Variants in UNC13C observed in about 807,000 individuals in gnomAD.
UNC13C encodes unc-13 homolog C.
UNC13C carries 174 observed loss-of-function variants against 245.4 expected under a neutral mutation model. That is an observed-to-expected ratio of 0.71 (90% CI 0.63 to 0.80). The LOEUF (loss-of-function observed/expected upper bound fraction) is 0.80, where lower values mean the gene tolerates loss of function less well. UNC13C is among the 30% of genes least tolerant of loss of function. The pLI is 0.00. For synonymous variants in UNC13C, 992 were observed against 895.1 expected (o/e 1.11, Z -1.93); for missense variants, 2,829 against 2,602.9 (o/e 1.09, Z -1.89).
intron 9 of UNC13C, among the ~76,000 whole-genome samples, chr15:54,265,126 A>G (rs1389567460): frequency 1.3e-5 from 2 of 151,998 alleles, no homozygotes; most frequent in Admixed American, 1.3e-4. Context: ...ATGCATGTGT[A>G]TGTATATAGC....
intron 10 of UNC13C, among the ~76,000 whole-genome samples, chr15:54,281,211 T>C (rs1567157470): frequency 6.6e-6 from 1 of 152,178 alleles, no homozygotes; most frequent in East Asian, 1.9e-4. Flanking sequence ...TTTCCAAAAC[T>C]TTTATATCCA....
At chr15:54,626,730 G>C (rs1406456327) in intron 32 of UNC13C, 98 bp from the exon 33 acceptor site, 1 of 1,082,306 alleles carries the variant, frequency 9.2e-7, no homozygotes, top group Non-Finnish European at 1.3e-6. Context: ...ATAATAATCA[G>C]ATCCAATGTA....
chr15:54,247,953 T>C (rs1410777674), intron 7 of UNC13C, among the ~76,000 whole-genome samples: 2 of 152,128 alleles, frequency 1.3e-5, no homozygotes, highest in Non-Finnish European at 2.9e-5. Context: ...ACTCCTACTA[T>C]AATCTATGGA....
the UNC13C span, among the ~76,000 whole-genome samples, chr15:53,895,544 A>G: frequency 6.6e-6 from 1 of 152,244 alleles, no homozygotes; most frequent in Middle Eastern, 3.4e-3. Flanking sequence ...AATAAACATA[A>G]TTAAAAGATA....
At chr15:54,372,627 T>C (rs2039514017) in intron 17 of UNC13C, among the ~76,000 whole-genome samples, 1 of 152,244 alleles carries the variant, frequency 6.6e-6, no homozygotes, top group Admixed American at 6.5e-5. Flanking sequence ...ATACTAAATA[T>C]GTTTTTCCAT....
intron 26 of UNC13C, among the ~76,000 whole-genome samples, 189 bp from the exon 27 acceptor site, chr15:54,546,533 T>A (rs1210918006): frequency 6.6e-6 from 1 of 152,166 alleles, no homozygotes; most frequent in African/African-American, 2.4e-5. Flanking sequence ...AAAAGAAGTA[T>A]GCTGATTTCA....
In UNC13C at chr15:54,010,643, CA is replaced by C. The variant is rs149767734; in HGVS notation, c.-256-2003del. ...AAATAAGGCTGCTAAAATAACGTTT[CA>C]AGAAGGAGGACATATATTTTTAATT... On this transcript the variant is annotated intron_variant, in intron 1 of 32. Transcript: ENST00000260323. 2.4e-3 allele frequency among the ~76,000 whole-genome samples: 370 copies of C among 152,216 alleles called. 2 individuals carry two copies. Among genetic ancestry groups the C allele is most frequent in the African/African-American group, 8.5e-3 (352 of 41,534 alleles).
At chr15:54,318,535 C>G (rs2038067319) in intron 13 of UNC13C, among the ~76,000 whole-genome samples, 1 of 151,824 alleles carries the variant, frequency 6.6e-6, no homozygotes, top group Non-Finnish European at 1.5e-5. Context: ...CTTTTGAAAA[C>G]TGCCTATGTG....
the UNC13C span, among the ~76,000 whole-genome samples, chr15:53,893,615 C>T: frequency 6.6e-6 from 1 of 152,224 alleles, no homozygotes; most frequent in Non-Finnish European, 1.5e-5. Flanking sequence ...GGGCTCCGCC[C>T]AGTTTGAACT....
At position 54,377,198 on chromosome 15, in the gene UNC13C, T is replaced by C. The variant is rs140938266; in HGVS notation, c.4714-15850T>C. Among the ~76,000 whole-genome samples the C allele has an allele frequency of 5.3e-3, 807 of 152,306 alleles. 2 individuals are homozygous for C. The highest frequency in any genetic ancestry group is 0.019 in the African/African-American group (772 of 41,562). Reference sequence around the variant, plus strand: ...TCCTCACAGCATAATGGCTGTATTTTAAGAGCACATGTTCAAGCATCAAGA... The same window carrying C: ...TCCTCACAGCATAATGGCTGTATTTCAAGAGCACATGTTCAAGCATCAAGA... On this transcript the variant is annotated intron_variant, in intron 17 of 32. Coordinates refer to ENST00000260323, the MANE Select transcript of UNC13C (RefSeq NM_001080534.3).
the UNC13C span, among the ~76,000 whole-genome samples, chr15:53,848,094 TTCTC>T: frequency 7.7e-5 from 9 of 117,636 alleles, no homozygotes; most frequent in African/African-American, 2.3e-4. Flanking sequence ...TTTATTTGTA[TTCTC>T]TCTCTCTCTT....
intron 18 of UNC13C, among the ~76,000 whole-genome samples, chr15:54,413,163 T>C (rs1315988313): frequency 6.6e-6 from 1 of 152,108 alleles, no homozygotes; most frequent in Non-Finnish European, 1.5e-5. Flanking sequence ...ATTGTGAGAT[T>C]AAATTTGGTA....
chr15:54,015,661 G>A lies in UNC13C; in HGVS notation c.2758G>A (p.Glu920Lys), dbSNP rs1163424307. 1 of 1,613,700 alleles carries A rather than the reference G, an allele frequency of 6.2e-7. No individual in the cohort carries two copies. Among genetic ancestry groups the A allele is most frequent in the South Asian group, 1.1e-5 (1 of 91,062 alleles). ...YETPYETPQDEGYDGPADDMV... is the reference protein window; with the variant it reads ...YETPYETPQDKGYDGPADDMV... The stretch of plus-strand genomic sequence containing the variant: ...AACACCTTATGAAACCCCACAAGAT[G>A]AGGGTTATGATGGTCCAGCAGATGA... Residue 920 changes from glutamate (E) to lysine (K), a missense_variant, in exon 2 of 33, where the codon GAG becomes AAG. Coordinates refer to ENST00000260323, the MANE Select transcript of UNC13C (RefSeq NM_001080534.3).
the UNC13C span, among the ~76,000 whole-genome samples, chr15:53,941,132 G>C: frequency 1.3e-5 from 2 of 152,078 alleles, no homozygotes; most frequent in African/African-American, 4.8e-5. Context: ...ACTGAATGGA[G>C]AACTCAGAAA....
At chr15:53,980,273 T>C (rs192431384) in intron 1 of UNC13C, among the ~76,000 whole-genome samples, 1 of 152,206 alleles carries the variant, frequency 6.6e-6, no homozygotes, top group East Asian at 1.9e-4. Flanking sequence ...ATTCCACGCA[T>C]GACTATAACA....
At chr15:53,943,052 T>C in the UNC13C span, among the ~76,000 whole-genome samples, 34,045 of 152,190 alleles carry the variant, frequency 0.22, 4,833 homozygotes, top group Non-Finnish European at 0.31. Flanking sequence ...TATTCTAAAA[T>C]TTAAAGTTTG....
At chr15:53,908,457 GT>G in the UNC13C span, among the ~76,000 whole-genome samples, 1 of 146,018 alleles carries the variant, frequency 6.8e-6, no homozygotes, top group African/African-American at 2.4e-5. Flanking sequence ...TATACATTAT[GT>G]TAAAAATGTA....
intron 4 of UNC13C, among the ~76,000 whole-genome samples, chr15:54,234,677 A>G (rs2035642119): frequency 6.6e-6 from 1 of 152,210 alleles, no homozygotes; most frequent in Non-Finnish European, 1.5e-5. Flanking sequence ...CCAAACTTGC[A>G]CCAAAAATGG....
the UNC13C span, among the ~76,000 whole-genome samples, chr15:53,851,204 AT>A: frequency 6.6e-6 from 1 of 151,658 alleles, no homozygotes. Context: ...TATTGGTGAC[AT>A]TTTTCCCACC....
Sources: gnomAD v4.1 joint callset for allele counts (sites outside exome capture counted in the v4.1 genomes callset) on GRCh38, gnomAD v4.1.1 for gene constraint, MANE v1.5 for transcripts, NCBI Gene and HGNC (gene_info 2026-07-23, HGNC 2026-07-21) for gene names.